POLD1: variants seen among roughly 807,000 people sequenced by gnomAD.
POLD1 encodes the protein DNA polymerase delta 1, catalytic subunit, also known as DNA polymerase delta catalytic subunit.
A neutral mutation model predicts 129.7 loss-of-function variants in POLD1; 79 were observed. The observed-to-expected ratio is 0.61, with a 90% CI of 0.51 to 0.73. The LOEUF is 0.73. POLD1 is among the 30% of genes least tolerant of loss of function. The pLI, the probability that POLD1 is intolerant of heterozygous loss-of-function variation, is 0.00. For synonymous variants in POLD1, 714 were observed against 683.3 expected (o/e 1.04, Z -0.70); for missense variants, 1,338 against 1,595.8 (o/e 0.84, Z 2.75).
At chr19:50,414,024 C>G in intron 19 of POLD1, 145 bp downstream of exon 19, 1 of 799,036 alleles carries the variant, frequency 1.3e-6, no homozygotes, top group Admixed American at 3.4e-5. Context: ...GTTTGGGAAG[C>G]CTCCAAGGCC....
chr19:50,409,115 A>C lies in POLD1; in HGVS notation c.1893-7A>C, dbSNP rs200049500. The C allele has an allele frequency of 6.2e-7, 1 of 1,601,628 alleles. No homozygotes were observed. Among genetic ancestry groups the C allele is most frequent in the Non-Finnish European group, 8.6e-7 (1 of 1,168,876 alleles). On this transcript the variant is annotated splice_region_variant and splice_polypyrimidine_tract_variant and intron_variant, in intron 15 of 26. Transcript: ENST00000440232. This position sits in a 1 kb window ranked among gnomAD's most constrained non-coding sequence, Gnocchi z 5.8. ...GCCGGCAGTCACCCCAACATCTTCC[A>C]ACCCAGCCTGACTGAGGATCAGTTC...
intron 1 of POLD1, among the ~76,000 whole-genome samples, chr19:50,387,300 A>G (rs987673148): frequency 6.6e-6 from 1 of 152,198 alleles, no homozygotes; most frequent in African/African-American, 2.4e-5. Flanking sequence ...AAATAAAAAT[A>G]AAGCTGTGAG....
rs748380365 is a variant in POLD1 at position 50,408,878 on chromosome 19, G to T, written c.1869G>T (p.Arg623=). 12 of 1,612,582 alleles carry T rather than the reference G, an allele frequency of 7.4e-6. No individual in the cohort carries two copies. The Admixed American group carries it at 1.8e-4, about 25-fold the overall frequency. Reference sequence around the variant, plus strand: ...ACCTGTGTTACACCACGCTCCTTCGGCCCGGGACTGCACAGAAACTGGGGT... The same window carrying T: ...ACCTGTGTTACACCACGCTCCTTCGTCCCGGGACTGCACAGAAACTGGGGT... ...AHNLCYTTLL[R]PGTAQKLGLT... Residue 623 remains arginine (R), a synonymous_variant, in exon 15 of 27, where the codon CGG becomes CGT. Coordinates refer to ENST00000440232, the MANE Select transcript of POLD1 (RefSeq NM_002691.4).
At chr19:50,416,256 C>T in intron 22 of POLD1, 140 bp from the exon 23 acceptor site, 1 of 821,708 alleles carries the variant, frequency 1.2e-6, no homozygotes, top group Non-Finnish European at 1.9e-6. Context: ...TGACCTCCGA[C>T]CCCATCCCAG....
Position 50,415,502 on chromosome 19 carries a change from G to A in POLD1, c.2629G>A (p.Asp877Asn), listed in dbSNP as rs1555793039. ...VISDLLCNRI[D>N]ISQLVITKEL... ...CTCGGACCTGCTGTGCAACCGCATC[G>A]ATATCTCCCAGCTGGTCATCACCAA... The change falls in exon 21 of 27, where the codon GAT becomes AAT. Residue 877 changes from aspartate to asparagine, a missense_variant. Around this residue, in one of 3 missense-constraint regions of POLD1, gnomAD observed 720 missense variants for 1,002.6 expected, o/e 0.72. Transcript: ENST00000440232. 2.5e-6 allele frequency: 4 copies of A among 1,613,420 alleles called. No individual in the cohort carries two copies. Among genetic ancestry groups the A allele is most frequent in the Non-Finnish European group, 2.5e-6 (3 of 1,179,944 alleles).
In POLD1 at chr19:50,409,802, A is replaced by C; in HGVS notation, c.2154+136A>C. On this transcript the variant is annotated intron_variant, in intron 17 of 26. Coordinates refer to ENST00000440232, the MANE Select transcript of POLD1 (RefSeq NM_002691.4). The surrounding 1 kb of genome is among the most constrained non-coding windows in gnomAD (Gnocchi z 5.8). ...CTGGCCTTCTAGAGAGAGGATGCCA[A>C]TGTGGCTTGAGCAATTGGTCCATTC... is the stretch of plus-strand genomic sequence containing the variant. 1.1e-6 allele frequency: 1 copy of C among 942,128 alleles called. No individual in the cohort carries two copies. The highest frequency in any genetic ancestry group is 1.6e-6 in the Non-Finnish European group (1 of 630,146). 58.4% of individuals were successfully genotyped at this position (942,128 alleles called of 1,614,324 possible).
chr19:50,409,359 A>G lies in POLD1; in HGVS notation c.2006+124A>G. The G allele has an allele frequency of 8.0e-7, 1 of 1,248,266 alleles. No homozygotes were observed. Among genetic ancestry groups the G allele is most frequent in the Non-Finnish European group, 1.1e-6 (1 of 870,906 alleles). The allele number at this position is 1,248,266 out of a possible 1,614,324, so 77.3% of individuals were successfully genotyped here. ...TGCCCTCAGCTGTGCGTGAATTAGC[A>G]CAAGGCATCCCCTCCTGGCAGCTTC... On this transcript the variant is annotated intron_variant, in intron 16 of 26. Coordinates refer to ENST00000440232, the MANE Select transcript of POLD1 (RefSeq NM_002691.4). This position sits in a 1 kb window ranked among gnomAD's most constrained non-coding sequence, Gnocchi z 5.8.
intron 1 of POLD1, among the ~76,000 whole-genome samples, chr19:50,396,279 G>C (rs2038363518): frequency 6.6e-6 from 1 of 151,412 alleles, no homozygotes; most frequent in Admixed American, 6.6e-5. Context: ...ATTAAAGATA[G>C]GGTTTCACCA....
Position 50,403,510 on chromosome 19 carries a change from C to G in POLD1, c.1155C>G (p.Ile385Met). 5 of 1,613,662 alleles carry G rather than the reference C, an allele frequency of 3.1e-6. No individual in the cohort carries two copies. Among genetic ancestry groups the G allele is most frequent in the Non-Finnish European group, 4.2e-6 (5 of 1,179,564 alleles). ...EDLLQAWSTF[I>M]RIMDPDVITG... The stretch of plus-strand genomic sequence containing the variant: ...ACCCCCAGGCCTGGTCCACCTTCAT[C>G]CGTATCATGGACCCCGACGTGATCA... Residue 385 changes from isoleucine to methionine, a missense_variant, in exon 10 of 27, where the codon ATC becomes ATG. By Grantham distance (10) the Ile-to-Met change is conservative. Transcript: ENST00000440232.
chr19:50,405,964 C>T (rs538753061), intron 10 of POLD1, among the ~76,000 whole-genome samples: 6 of 152,258 alleles, frequency 3.9e-5, no homozygotes, highest in South Asian at 4.1e-4. Flanking sequence ...CCCTGACTCT[C>T]GCTATCCCAG....
intron 20 of POLD1, 45 bp from the exon 21 acceptor site, chr19:50,415,393 C>T: frequency 1.3e-6 from 2 of 1,579,710 alleles, no homozygotes; most frequent in African/African-American, 1.3e-5. Flanking sequence ...ACCAGCCTGG[C>T]CCTCAGTGCC....
chr19:50,395,938 A>G (rs1344832412), intron 1 of POLD1, among the ~76,000 whole-genome samples: 2 of 113,774 alleles, frequency 1.8e-5, no homozygotes, highest in African/African-American at 6.9e-5. Context: ...GTCCAGTCTT[A>G]AACTCCTGGG....
At position 50,401,410 on chromosome 19, in the gene POLD1, T is replaced by C. The variant is rs1405986636; in HGVS notation, c.317-368T>C. Among the ~76,000 whole-genome samples, 23 of 127,388 alleles carry C rather than the reference T, an allele frequency of 1.8e-4. No homozygotes were observed. In the South Asian group the frequency reaches 5.1e-3, roughly 28 times the overall value. The allele number at this position is 127,388 out of a possible 152,430, so 83.6% of individuals were successfully genotyped here. A position where few individuals can be genotyped will look rare whatever the true frequency, so the allele number is the denominator to read the frequency against. ...ATATATATTTTTTTTTTTTTTTTTTTTTTTTCTTTTTTTTGAGACTGGGTC... is the reference window on the plus strand; with the variant it reads ...ATATATATTTTTTTTTTTTTTTTTTCTTTTTCTTTTTTTTGAGACTGGGTC... On this transcript the variant is annotated intron_variant, in intron 3 of 26. Transcript: ENST00000440232.
In POLD1 at chr19:50,417,927, C is replaced by T. The variant is rs757442072; in HGVS notation, c.3304C>T (p.Pro1102Ser). ...QEQLLRRFGP[P>S]GPEAW is the part of the protein sequence containing the mutation. Reference sequence around the variant, plus strand: ...GCAGCTCCTGCGGCGCTTCGGACCCCCTGGACCTGAGGCCTGGTGACCTTG... The same window carrying T: ...GCAGCTCCTGCGGCGCTTCGGACCCTCTGGACCTGAGGCCTGGTGACCTTG... The change falls in exon 27 of 27, where the codon CCT becomes TCT. Residue 1102 changes from proline (P) to serine (S), a missense_variant. Coordinates refer to ENST00000440232, the MANE Select transcript of POLD1 (RefSeq NM_002691.4). The T allele has an allele frequency of 3.7e-6, 6 of 1,609,758 alleles. No individual in the cohort carries two copies. The Admixed American group carries it at 5.0e-5, about 13-fold the overall frequency.
intron 3 of POLD1, among the ~76,000 whole-genome samples, chr19:50,399,748 G>A (rs1046366684): frequency 3.3e-4 from 51 of 152,342 alleles, no homozygotes; most frequent in Middle Eastern, 6.8e-3. Context: ...ATACGTAGTA[G>A]CTGCAGCCTG....
intron 24 of POLD1, 34 bp downstream of exon 24, chr19:50,416,757 C>T (rs1568640822): frequency 7.0e-7 from 1 of 1,434,546 alleles, no homozygotes; most frequent in Non-Finnish European, 9.5e-7. Flanking sequence ...CCCCACTGGC[C>T]CTCAACCTGC....
chr19:50,393,112 C>T (rs1322020234), intron 1 of POLD1, among the ~76,000 whole-genome samples: 1 of 152,132 alleles, frequency 6.6e-6, no homozygotes, highest in Non-Finnish European at 1.5e-5. Context: ...GTGTACGTCC[C>T]TAGATGTGGA....
intron 26 of POLD1, 146 bp from the exon 27 acceptor site, chr19:50,417,693 GCCT>G: frequency 2.3e-5 from 2 of 86,956 alleles, no homozygotes; most frequent in Admixed American, 1.8e-4. Flanking sequence ...CCCCCCCCGT[GCCT>G]GCTGAGCAAA....
intron 1 of POLD1, among the ~76,000 whole-genome samples, chr19:50,384,843 C>T (rs1268802017): frequency 6.6e-6 from 1 of 152,182 alleles, no homozygotes; most frequent in East Asian, 1.9e-4. Context: ...GTGAGATGCT[C>T]TCAGAAGGAA....
Sources: allele counts gnomAD v4.1 joint callset (sites outside exome capture counted in the v4.1 genomes callset), GRCh38; gene constraint gnomAD v4.1.1; regional missense constraint gnomAD v4.1.1; non-coding constraint Gnocchi (gnomAD v3.1); transcripts MANE v1.5; gene names NCBI Gene and HGNC (gene_info 2026-07-23, HGNC 2026-07-21).